ENTREP1: variants seen among roughly 807,000 people sequenced by gnomAD.
ENTREP1 encodes endosomal transmembrane epsin interactor 1, also known as Friedreich ataxia region gene X123.
the ENTREP1 span, chr9:69,324,663 T>C: frequency 1.0e-6 from 1 of 984,988 alleles, no homozygotes; most frequent in Non-Finnish European, 1.2e-6. Context: ...GAGCGGTAAC[T>C]GCGCTCGGCG....
At chr9:69,361,574 T>C in the ENTREP1 span, among the ~76,000 whole-genome samples, 3 of 152,240 alleles carry the variant, frequency 2.0e-5, 1 homozygote, top group South Asian at 6.2e-4. Context: ...TGGGCCATTA[T>C]GGCATGTGCT....
At chr9:69,356,883 A>C in the ENTREP1 span, among the ~76,000 whole-genome samples, 4 of 152,148 alleles carry the variant, frequency 2.6e-5, no homozygotes, top group Non-Finnish European at 4.4e-5. Flanking sequence ...GTAATGCCCA[A>C]CTTGAGTTGA....
chr9:69,364,795 G>A, the ENTREP1 span, among the ~76,000 whole-genome samples: 54 of 152,258 alleles, frequency 3.5e-4, no homozygotes, highest in East Asian at 7.5e-3. Flanking sequence ...GTCATATGCC[G>A]GAATAAAGTT....
the ENTREP1 span, among the ~76,000 whole-genome samples, chr9:69,340,811 G>A: frequency 1.8e-5 from 1 of 56,002 alleles, no homozygotes; most frequent in African/African-American, 6.1e-5. Flanking sequence ...ATGTGTGTGT[G>A]TATGTGTGTG....
chr9:69,340,813 A>ATGTG, the ENTREP1 span, among the ~76,000 whole-genome samples: 86 of 140,548 alleles, frequency 6.1e-4, 1 homozygote, highest in Admixed American at 2.3e-3. Flanking sequence ...GTGTGTGTGT[A>ATGTG]TGTGTGTGTG....
the ENTREP1 span, among the ~76,000 whole-genome samples, chr9:69,363,026 C>T: frequency 6.6e-6 from 1 of 152,106 alleles, no homozygotes; most frequent in Non-Finnish European, 1.5e-5. Flanking sequence ...TCTAGAGAAC[C>T]CTGACAAATA....
the ENTREP1 span, among the ~76,000 whole-genome samples, chr9:69,358,029 G>A: frequency 6.6e-6 from 1 of 152,288 alleles, no homozygotes; most frequent in South Asian, 2.1e-4. Context: ...CTGGTACTTG[G>A]ACTCCATGGC....
the ENTREP1 span, among the ~76,000 whole-genome samples, chr9:69,369,414 T>C: frequency 4.6e-5 from 7 of 152,172 alleles, no homozygotes; most frequent in African/African-American, 1.7e-4. Flanking sequence ...CCACACTGTC[T>C]TCCACAATGA....
the ENTREP1 span, among the ~76,000 whole-genome samples, chr9:69,333,495 G>A: frequency 6.6e-6 from 1 of 151,990 alleles, no homozygotes; most frequent in African/African-American, 2.4e-5. Flanking sequence ...AGTAGAGACA[G>A]GGTCTCACCG....
At chr9:69,375,740 A>C in the ENTREP1 span, 1 of 1,612,202 alleles carries the variant, frequency 6.2e-7, no homozygotes, top group Non-Finnish European at 8.5e-7. Flanking sequence ...GTTAAGGTGG[A>C]CTTAGGTGAA....
At chr9:69,344,870 G>C in the ENTREP1 span, among the ~76,000 whole-genome samples, 1 of 152,138 alleles carries the variant, frequency 6.6e-6, no homozygotes, top group Non-Finnish European at 1.5e-5. Context: ...CCTGAGCCTC[G>C]TTCTTGTGGA....
At chr9:69,385,852 C>G in the ENTREP1 span, 1 of 1,579,894 alleles carries the variant, frequency 6.3e-7, no homozygotes, top group Middle Eastern at 1.7e-4. Context: ...ACTCCCAGTT[C>G]AACCCTGGTG....
At chr9:69,381,883 C>T in the ENTREP1 span, 1 of 152,188 alleles carries the variant, frequency 6.6e-6, no homozygotes, top group East Asian at 1.9e-4. Context: ...TAAAGTATGC[C>T]CCCTCTTTCC....
the ENTREP1 span, chr9:69,377,745 G>T: frequency 2.5e-6 from 4 of 1,609,914 alleles, no homozygotes; most frequent in Non-Finnish European, 3.4e-6. Context: ...TGAACCGCAG[G>T]TATCGTTCCT....
At chr9:69,339,081 G>A in the ENTREP1 span, among the ~76,000 whole-genome samples, 3 of 152,008 alleles carry the variant, frequency 2.0e-5, no homozygotes, top group East Asian at 3.9e-4. Flanking sequence ...GTGTGGTGGC[G>A]TGATCACTGC....
chr9:69,379,808 G>T, the ENTREP1 span: 1 of 152,240 alleles, frequency 6.6e-6, no homozygotes, highest in South Asian at 2.1e-4. Context: ...AAGGGAAAGT[G>T]ACTCATGTGG....
the ENTREP1 span, among the ~76,000 whole-genome samples, chr9:69,378,177 T>G: frequency 6.6e-6 from 1 of 152,154 alleles, no homozygotes; most frequent in South Asian, 2.1e-4. Context: ...TTGACATGAT[T>G]GAGAGTCGCT....
At chr9:69,344,362 G>A in the ENTREP1 span, among the ~76,000 whole-genome samples, 1 of 152,226 alleles carries the variant, frequency 6.6e-6, no homozygotes, top group Non-Finnish European at 1.5e-5. Context: ...AGAAGAAACT[G>A]TTTACAGTGG....
At chr9:69,361,053 C>T in the ENTREP1 span, among the ~76,000 whole-genome samples, 2 of 152,050 alleles carry the variant, frequency 1.3e-5, no homozygotes, top group African/African-American at 2.4e-5. Flanking sequence ...CAGCCTTTAG[C>T]TGTGGTTGAG....
Sources: gnomAD v4.1 joint callset for allele counts (sites outside exome capture counted in the v4.1 genomes callset) on GRCh38, gnomAD v4.1.1 for gene constraint, MANE v1.5 for transcripts, NCBI Gene and HGNC (gene_info 2026-07-23, HGNC 2026-07-21) for gene names.